The following RGPD3 variants were observed in gnomAD, a reference collection of about 807,000 sequenced individuals.
RGPD3 encodes RANBP2 like and GRIP domain containing 3.
RGPD3 carries 62 observed loss-of-function variants against 154.5 expected under a neutral mutation model. That is an observed-to-expected ratio of 0.40 (90% confidence interval 0.33 to 0.50). The LOEUF (loss-of-function observed/expected upper bound fraction) is 0.50. Among genes scored for constraint, RGPD3 ranks in the 20% least tolerant of loss-of-function variants. The pLI is 0.59. For synonymous variants in RGPD3, 308 were observed against 607.0 expected, an observed-to-expected ratio of 0.51 and a Z score of 7.24; for missense variants, 919 against 1,716.8, an observed-to-expected ratio of 0.54 and a Z score of 8.21.
intron 13 of RGPD3, 86 bp from the exon 14 acceptor site, chr2:106,434,860 TAA>T (rs1677495409): frequency 5.2e-6 from 2 of 382,034 alleles, no homozygotes; most frequent in Non-Finnish European, 8.8e-6. Context: ...TATATGATCT[TAA>T]GAGACAAACA....
rs1476016006 is a variant in RGPD3, at chr2:106,425,126, T to G, written c.2841A>C (p.Leu947Phe). 6.7e-4 allele frequency: 1,074 copies of G among 1,611,720 alleles called. 4 individuals are homozygous for G. Among genetic ancestry groups the G allele is most frequent in the Middle Eastern group, 6.3e-3 (28 of 4,422 alleles). The change falls in exon 20 of 23, where the codon TTA becomes TTC. Residue 947 changes from leucine (L) to phenylalanine (F), a missense_variant. By Grantham distance (22) the Leu-to-Phe change is conservative. Coordinates refer to ENST00000409886, the MANE Select transcript of RGPD3 (RefSeq NM_001144013.2). Reference protein sequence around the residue: ...SEKPLENDTGLQAQDISGRKK... With the variant: ...SEKPLENDTGFQAQDISGRKK... The stretch of plus-strand genomic sequence containing the variant: ...TCCGGCCACTAATATCCTGAGCCTG[T>G]AAGCCAGTATCATTTTCAAGAGGCT...
In RGPD3 at chr2:106,468,255, C is replaced by T. The variant is rs368982659; in HGVS notation, c.34G>A (p.Val12Ile). 3.7e-6 allele frequency: 6 copies of T among 1,607,592 alleles called. No individual in the cohort carries two copies. Among genetic ancestry groups the T allele is most frequent in the African/African-American group, 2.7e-5 (2 of 74,882 alleles). The change falls in exon 1 of 23, where the codon GTC (valine) becomes ATC (isoleucine). Residue 12 changes from valine (V) to isoleucine (I), a missense_variant. Coordinates refer to ENST00000409886, the MANE Select transcript of RGPD3 (RefSeq NM_001144013.2). ...GGGGCGGAGCCCTGCACCGAGGCGA[C>T]GTACCGCTCCCCGTAGGCCTTGCTG... ...SCSKAYGERY[V>I]ASVQGSAPSP...
In RGPD3 at chr2:106,413,237, C is replaced by T. The variant is rs114550867; in HGVS notation, c.5113G>A (p.Val1705Met). Residue 1705 changes from valine to methionine, a missense_variant, in exon 22 of 23, where the codon GTG becomes ATG. Transcript: ENST00000409886. ...RRLERNQEQE[V>M]SAANVEHLKN... ...AAGTGTTCCACGTTAGCTGCAGACA[C>T]CTCTTGCTCTTGATTCCTTTCCAAT... 3,244 of 1,611,972 alleles carry T rather than the reference C, an allele frequency of 2.0e-3. 57 individuals carry two copies. The African/African-American group carries it at 0.036, about 18-fold the overall frequency.
rs1678619882 is a variant in RGPD3 at position 106,466,865 on chromosome 2, GA to G, written c.72+1351del. Among the ~76,000 whole-genome samples, 2 of 79,320 alleles carry G rather than the reference GA, an allele frequency of 2.5e-5. 1 individual carries two copies. The allele number at this position is 79,320 out of a possible 152,430, so 52.0% of individuals were successfully genotyped here. A position where few individuals can be genotyped will look rare whatever the true frequency, so the allele number is the denominator to read the frequency against. On this transcript the variant is annotated intron_variant, in intron 1 of 22. Transcript: ENST00000409886. ...GCGCCCGTCGGGAGCCATGACGCCT[GA>G]GCCATCGAGGCCGCCGCCGGGCCGG...
rs766024903 is a variant in RGPD3 at position 106,423,877 on chromosome 2, A to G, written c.4090T>C (p.Phe1364Leu). The G allele has an allele frequency of 9.6e-5, 154 of 1,611,618 alleles. No homozygotes were observed. Among genetic ancestry groups the G allele is most frequent in the Non-Finnish European group, 1.1e-4 (128 of 1,179,702 alleles). Reference protein sequence around the residue: ...EQVVFSHRAEFYRYDKDVGQW... With the variant: ...EQVVFSHRAELYRYDKDVGQW... ...CCAACATCTTTATCATATCTGTAGA[A>G]TTCTGCCCTGTGACTAAAAACAACT... The change falls in exon 20 of 23, where the codon TTC becomes CTC. Residue 1364 changes from phenylalanine to leucine, a missense_variant. Physicochemically the swap from Phe to Leu is conservative, Grantham distance 22. Coordinates refer to ENST00000409886, the MANE Select transcript of RGPD3 (RefSeq NM_001144013.2).
intron 1 of RGPD3, among the ~76,000 whole-genome samples, chr2:106,466,110 C>A (rs1336931097): frequency 6.6e-6 from 1 of 151,736 alleles, no homozygotes; most frequent in East Asian, 1.9e-4. Flanking sequence ...GCGGGTACTA[C>A]GGGGCCAGAA....
chr2:106,418,259 T>C (rs935406666), intron 20 of RGPD3, among the ~76,000 whole-genome samples: 1 of 147,214 alleles, frequency 6.8e-6, no homozygotes, highest in African/African-American at 2.5e-5. Context: ...AATATAGTAC[T>C]ACTTATTTTT....
At chr2:106,438,640 G>A (rs1223670732) in intron 9 of RGPD3, among the ~76,000 whole-genome samples, 10 of 152,112 alleles carry the variant, frequency 6.6e-5, no homozygotes, top group South Asian at 2.1e-4. Context: ...AAAATTAGCC[G>A]GGCGTGGTGG....
rs1408409529 is a variant in RGPD3, at chr2:106,424,217, A to G, written c.3750T>C (p.Asp1250=). 2.5e-6 allele frequency: 4 copies of G among 1,611,978 alleles called. No individual in the cohort carries two copies. In the South Asian group the frequency reaches 3.3e-5, roughly 13 times the overall value. The change falls in exon 20 of 23, where the codon GAT becomes GAC. Residue 1250 remains aspartate, a synonymous_variant. Coordinates refer to ENST00000409886, the MANE Select transcript of RGPD3 (RefSeq NM_001144013.2). ...AENTGPTLEW[D]NYDLREDALD... Reference sequence around the variant, plus strand: ...AAGCATCTTCCCTTAAATCATAGTTATCCCATTCTAATGTGGGCCCAGTGT... The same window carrying G: ...AAGCATCTTCCCTTAAATCATAGTTGTCCCATTCTAATGTGGGCCCAGTGT...
intron 7 of RGPD3, among the ~76,000 whole-genome samples, chr2:106,442,497 GAAAAA>G (rs200777302): frequency 1.6e-4 from 16 of 99,160 alleles, no homozygotes; most frequent in African/African-American, 5.4e-4. Context: ...AATAACCTAT[GAAAAA>G]AAAAAAAAAA....
chr2:106,411,804 C>T (rs1423761081), intron 22 of RGPD3, among the ~76,000 whole-genome samples: 1 of 152,110 alleles, frequency 6.6e-6, no homozygotes, highest in South Asian at 2.1e-4. Context: ...GGTGACAGAG[C>T]AACACTACGT....
intron 1 of RGPD3, among the ~76,000 whole-genome samples, chr2:106,461,989 T>C (rs1012437886): frequency 2.6e-5 from 4 of 151,900 alleles, no homozygotes; most frequent in African/African-American, 9.7e-5. Flanking sequence ...CTCAGCTCAC[T>C]GCAACCTCTG....
rs199577889 is a variant in RGPD3 at position 106,426,082 on chromosome 2, G to C, written c.2612C>G (p.Thr871Ser). Reference protein sequence around the residue: ...TFHGAPLTVATTGPSVYYSQS... With the variant: ...TFHGAPLTVASTGPSVYYSQS... ...ACTATAATATACTGAAGGGCCAGTAGTTGCAACTAAAAAAAAAAAAGAAAA... is the reference window on the plus strand; with the variant it reads ...ACTATAATATACTGAAGGGCCAGTACTTGCAACTAAAAAAAAAAAAGAAAA... The change falls in exon 19 of 23, where the codon ACT (threonine) becomes AGT (serine). Residue 871 changes from threonine to serine, a missense_variant. By Grantham distance (58) the Thr-to-Ser change is moderately conservative (BLOSUM62 1). Coordinates refer to ENST00000409886, the MANE Select transcript of RGPD3 (RefSeq NM_001144013.2). 1.4e-3 allele frequency: 2,260 copies of C among 1,590,110 alleles called. No homozygotes were observed. The highest frequency in any genetic ancestry group is 1.6e-3 in the Non-Finnish European group (1,839 of 1,177,306).
chr2:106,449,465 T>G (rs1329883684), intron 6 of RGPD3, among the ~76,000 whole-genome samples: 1 of 43,376 alleles, frequency 2.3e-5, no homozygotes, highest in African/African-American at 8.6e-5. Flanking sequence ...AAACTCTGTC[T>G]CAAAAAAAAA....
rs955626081 is a variant in RGPD3, at chr2:106,422,025, C to A, written c.4924+1018G>T. The stretch of plus-strand genomic sequence containing the variant: ...TATTAATACTTTGCTAAGGGCTACC[C>A]AGCTGCTAAAAACTGCTGTTATCTC... On this transcript the variant is annotated intron_variant, in intron 20 of 22. Transcript: ENST00000409886. 1.1e-3 allele frequency among the ~76,000 whole-genome samples: 173 copies of A among 152,080 alleles called. 1 individual carries two copies. Among genetic ancestry groups the A allele is most frequent in the African/African-American group, 3.8e-3 (157 of 41,422 alleles).
chr2:106,463,562 AGAT>A (rs1232696823), intron 1 of RGPD3, among the ~76,000 whole-genome samples: 14 of 152,058 alleles, frequency 9.2e-5, no homozygotes, highest in Middle Eastern at 3.4e-3. Flanking sequence ...AAGTAAATGA[AGAT>A]GACATGAGAT....
In RGPD3 at chr2:106,433,007, T is replaced by C; in HGVS notation, c.2397A>G (p.Lys799=). ...GATCTTCTGCCCATCGAGGTGGTGT[T>C]TTGGGAGAATACTAAAAAAAAAATA... ...SPSKSYKYSP[K]TPPRWAEDQN... The change falls in exon 17 of 23, where the codon AAA becomes AAG. Residue 799 remains lysine, a synonymous_variant. Coordinates refer to ENST00000409886, the MANE Select transcript of RGPD3 (RefSeq NM_001144013.2). 1 of 1,609,890 alleles carries C rather than the reference T, an allele frequency of 6.2e-7. No homozygotes were observed. Among genetic ancestry groups the C allele is most frequent in the Non-Finnish European group, 8.5e-7 (1 of 1,179,514 alleles).
In RGPD3 at chr2:106,468,316, C is replaced by G. The variant is rs748764073; in HGVS notation, c.-28G>C. Reference sequence around the variant, plus strand: ...CGCCACCAACCTGGCTCCCGAGATGCGTGAGACCAGCGCTCAGCCCCGCAG... The same window carrying G: ...CGCCACCAACCTGGCTCCCGAGATGGGTGAGACCAGCGCTCAGCCCCGCAG... On this transcript the variant is annotated 5_prime_UTR_variant, in exon 1 of 23. Transcript: ENST00000409886. 2.8e-5 allele frequency: 44 copies of G among 1,592,152 alleles called. No homozygotes were observed. The South Asian group carries it at 4.6e-4, about 17-fold the overall frequency.
chr2:106,411,865 C>G (rs1012278605), intron 22 of RGPD3, among the ~76,000 whole-genome samples: 1 of 152,016 alleles, frequency 6.6e-6, no homozygotes, highest in South Asian at 2.1e-4. Context: ...GAACATCAAC[C>G]AAATGCAATA....
Sources: allele counts gnomAD v4.1 joint callset (sites outside exome capture counted in the v4.1 genomes callset), GRCh38; gene constraint gnomAD v4.1.1; transcripts MANE v1.5; gene names NCBI Gene and HGNC (gene_info 2026-07-23, HGNC 2026-07-21).